The following LARGE1 variants were observed in gnomAD, a reference collection of about 807,000 sequenced individuals.
The protein encoded by LARGE1 is LARGE xylosyl- and glucuronyltransferase 1.
LARGE1 carries 43 observed loss-of-function variants against 87.6 expected under a neutral mutation model. The observed-to-expected ratio is 0.49, with a 90% CI of 0.38 to 0.63. The LOEUF (loss-of-function observed/expected upper bound fraction) is 0.63, where lower values mean the gene tolerates loss of function less well. Ranked by LOEUF, LARGE1 falls within the 30% of genes least tolerant of loss-of-function variation. LARGE1 has a pLI of 0.00. For synonymous variants in LARGE1, 434 were observed against 394.6 expected, an observed-to-expected ratio of 1.10 and a Z score of -1.18; for missense variants, 802 against 1,000.2, an observed-to-expected ratio of 0.80 and a Z score of 2.67.
At chr22:33,422,721 G>C (rs943715826) in intron 7 of LARGE1, among the ~76,000 whole-genome samples, 1 of 152,090 alleles carries the variant, frequency 6.6e-6, no homozygotes, top group Admixed American at 6.5e-5. Flanking sequence ...ATGTTGGCCA[G>C]GCTGGTCTCG....
At chr22:33,880,071 C>G (rs1180139686) in intron 1 of LARGE1, among the ~76,000 whole-genome samples, 1 of 152,202 alleles carries the variant, frequency 6.6e-6, no homozygotes, top group East Asian at 1.9e-4. Context: ...AGCTTGGTAA[C>G]ACCAATTGTC....
intron 6 of LARGE1, among the ~76,000 whole-genome samples, chr22:33,454,503 C>T (rs1477504210): frequency 6.6e-6 from 1 of 151,632 alleles, no homozygotes; most frequent in Non-Finnish European, 1.5e-5. Flanking sequence ...CCTGTACTCC[C>T]AGCTACTTGG....
chr22:33,156,981 C>T, the LARGE1 span, among the ~76,000 whole-genome samples: 1 of 152,138 alleles, frequency 6.6e-6, no homozygotes, highest in Admixed American at 6.5e-5. Context: ...TCTTGTCTGC[C>T]ACCATGTGAG....
At chr22:33,212,972 C>T (rs1423218723) in intron 11 of LARGE1, among the ~76,000 whole-genome samples, 1 of 150,296 alleles carries the variant, frequency 6.7e-6, no homozygotes, top group Admixed American at 6.6e-5. Flanking sequence ...GAGCCGAGAT[C>T]GTGCCATTGC....
intron 1 of LARGE1, among the ~76,000 whole-genome samples, chr22:33,871,059 A>C (rs2064264972): frequency 1.3e-5 from 2 of 152,228 alleles, no homozygotes; most frequent in African/African-American, 4.8e-5. Context: ...CCACATCCCT[A>C]GCCTCTTTTA....
At chr22:33,310,052 A>T (rs73399593) in intron 11 of LARGE1, among the ~76,000 whole-genome samples, 12,135 of 152,228 alleles carry the variant, frequency 0.08, 522 homozygotes, top group South Asian at 0.17. Context: ...TAAGCTTCTT[A>T]AAGATCACCT....
At chr22:33,308,882 G>C (rs547516891) in intron 11 of LARGE1, among the ~76,000 whole-genome samples, 12 of 152,278 alleles carry the variant, frequency 7.9e-5, no homozygotes, top group East Asian at 3.9e-4. Context: ...GGTTAAATGA[G>C]ATGATGATAC....
chr22:33,401,178 C>T (rs1186704270), intron 7 of LARGE1, among the ~76,000 whole-genome samples: 2 of 152,150 alleles, frequency 1.3e-5, no homozygotes, highest in Non-Finnish European at 2.9e-5. Flanking sequence ...GCTTCTGGCA[C>T]CATTATTGCT....
the LARGE1 span, among the ~76,000 whole-genome samples, chr22:33,120,391 TTTCTTTCTTTCTTTCTTTCC>T: frequency 4.1e-5 from 4 of 97,670 alleles, no homozygotes; most frequent in East Asian, 7.1e-4. Context: ...TCTTTCTTTC[TTTCTTTCTTTCTTTCTTTCC>T]TTCTTTCTTT....
At chr22:33,361,715 C>T (rs559198436) in intron 9 of LARGE1, among the ~76,000 whole-genome samples, 1 of 149,900 alleles carries the variant, frequency 6.7e-6, no homozygotes, top group African/African-American at 2.5e-5. Flanking sequence ...TCACACTCCC[C>T]AACTGGCTCA....
At chr22:33,672,968 G>A (rs2081461206) in intron 2 of LARGE1, among the ~76,000 whole-genome samples, 1 of 152,140 alleles carries the variant, frequency 6.6e-6, no homozygotes, top group Non-Finnish European at 1.5e-5. Context: ...TGCTCTGAGA[G>A]ATTGTTATCA....
chr22:33,601,893 T>C (rs760281515), intron 5 of LARGE1, among the ~76,000 whole-genome samples: 100 of 152,312 alleles, frequency 6.6e-4, no homozygotes, highest in Non-Finnish European at 1.0e-3. Context: ...CTCCCTGGAT[T>C]AAAGTAGGCC....
chr22:33,548,832 G>T (rs1363966706), intron 6 of LARGE1, among the ~76,000 whole-genome samples: 2 of 152,184 alleles, frequency 1.3e-5, no homozygotes, highest in African/African-American at 4.8e-5. Flanking sequence ...GGCTGGATTT[G>T]GGTAATCTTC....
intron 6 of LARGE1, among the ~76,000 whole-genome samples, chr22:33,496,298 C>T (rs1602110866): frequency 6.6e-6 from 1 of 152,164 alleles, no homozygotes; most frequent in Admixed American, 6.6e-5. Context: ...TTTGGCAACA[C>T]CCTCATAGAC....
At chr22:33,672,120 G>C (rs2081433097) in intron 2 of LARGE1, among the ~76,000 whole-genome samples, 1 of 152,064 alleles carries the variant, frequency 6.6e-6, no homozygotes, top group Non-Finnish European at 1.5e-5. Context: ...GTACACCCCT[G>C]GGTTTTAGAA....
At chr22:33,383,506 G>A (rs759799445) in intron 8 of LARGE1, among the ~76,000 whole-genome samples, 16 of 152,118 alleles carry the variant, frequency 1.1e-4, no homozygotes, top group Non-Finnish European at 1.9e-4. Context: ...GTTGCCGTGA[G>A]CCGAGACTGT....
chr22:33,343,712 C>G (rs1939422020), intron 9 of LARGE1, among the ~76,000 whole-genome samples: 1 of 152,126 alleles, frequency 6.6e-6, no homozygotes, highest in Non-Finnish European at 1.5e-5. Context: ...TTATTATCTT[C>G]ATTTTACAGA....
chr22:33,551,567 C>A (rs535250151), intron 6 of LARGE1, among the ~76,000 whole-genome samples: 1 of 152,312 alleles, frequency 6.6e-6, no homozygotes, highest in African/African-American at 2.4e-5. Flanking sequence ...AAAAAGGAAA[C>A]TGGCTTCTTT....
At chr22:33,255,201 G>C (rs1227729234) in intron 11 of LARGE1, among the ~76,000 whole-genome samples, 3 of 152,200 alleles carry the variant, frequency 2.0e-5, no homozygotes, top group Non-Finnish European at 2.9e-5. Flanking sequence ...GCCTCCCAAA[G>C]CGCTGGGAAT....
Sources: allele counts gnomAD v4.1 joint callset (sites outside exome capture counted in the v4.1 genomes callset), GRCh38; gene constraint gnomAD v4.1.1; transcripts MANE v1.5; gene names NCBI Gene and HGNC (gene_info 2026-07-23, HGNC 2026-07-21).